SIGLEC15: variants seen among roughly 807,000 people sequenced by gnomAD.
SIGLEC15 encodes the protein sialic acid binding Ig like lectin 15.
SIGLEC15 carries 31 observed loss-of-function variants against 26.2 expected under a neutral mutation model. The observed-to-expected ratio is 1.18, with a 90% CI of 0.89 to 1.60. SIGLEC15 has a LOEUF of 1.60. Ranked by LOEUF, SIGLEC15 falls within the 40% of genes most tolerant of loss-of-function variation. The probability of loss-of-function intolerance (pLI) is 0.00; values close to 1 mark genes in which losing one functional copy is unlikely to be tolerated. For synonymous variants in SIGLEC15, 207 were observed against 221.9 expected (o/e 0.93, Z 0.60); for missense variants, 501 against 488.4 (o/e 1.03, Z -0.24).
intron 1 of SIGLEC15, among the ~76,000 whole-genome samples, chr18:45,828,338 C>G (rs1032702657): frequency 6.6e-6 from 1 of 152,194 alleles, no homozygotes; most frequent in African/African-American, 2.4e-5. Context: ...ATACTCGACA[C>G]CCAGTGCCCA....
intron 1 of SIGLEC15, among the ~76,000 whole-genome samples, chr18:45,827,345 C>T (rs1183641226): frequency 6.6e-6 from 1 of 152,162 alleles, no homozygotes; most frequent in East Asian, 2.0e-4. Context: ...TTGGCTGGGC[C>T]CCCCCACTAC....
rs1328184322 is a variant in SIGLEC15 at position 45,837,791 on chromosome 18, C to G, written c.391C>G (p.Arg131Gly). ...CAACGACCTCTCGCTGCGCGTCGAG[C>G]GCCTCGCCCTGGCTGACGACCGCCG... The part of the protein sequence containing the change: ...RRNDLSLRVE[R>G]LALADDRRYF... Residue 131 changes from arginine to glycine, a missense_variant, in exon 3 of 6, where the codon CGC becomes GGC. Arg to Gly is a moderately radical substitution (Grantham distance 125). Transcript: ENST00000389474. 2 of 1,523,156 alleles carry G rather than the reference C, an allele frequency of 1.3e-6. No homozygotes were observed. Among genetic ancestry groups the G allele is most frequent in the Non-Finnish European group, 8.7e-7 (1 of 1,144,024 alleles). The allele number at this position is 1,523,156 out of a possible 1,614,324, so 94.4% of individuals were successfully genotyped here.
At position 45,840,217 on chromosome 18, in the gene SIGLEC15, T is replaced by TGGACACCCC. The variant is rs750729197; in HGVS notation, c.891_899dup (p.Asp298_Pro300dup). 6.2e-7 allele frequency: 1 copy of TGGACACCCC among 1,613,128 alleles called. No homozygotes were observed. Among genetic ancestry groups the TGGACACCCC allele is most frequent in the Non-Finnish European group, 8.5e-7 (1 of 1,179,614 alleles). ...CTTGCTGTCCCTCCCACAGAGCATC[T>TGGACACCCC]GGACACCCCGGACACCCCACCACGG... On this transcript the variant is annotated inframe_insertion, in exon 5 of 6. Coordinates refer to ENST00000389474, the MANE Select transcript of SIGLEC15 (RefSeq NM_213602.3).
intron 1 of SIGLEC15, among the ~76,000 whole-genome samples, chr18:45,828,247 G>A (rs1014043627): frequency 1.3e-5 from 2 of 152,132 alleles, no homozygotes; most frequent in Non-Finnish European, 2.9e-5. Context: ...ACAGCCCCTT[G>A]GTGAGAGAAA....
intron 5 of SIGLEC15, 56 bp downstream of exon 5, chr18:45,840,297 C>T: frequency 1.3e-6 from 2 of 1,557,354 alleles, no homozygotes; most frequent in Non-Finnish European, 1.7e-6. Flanking sequence ...GTCCTCATCA[C>T]CCAGGGGGTC....
chr18:45,837,785 G>T lies in SIGLEC15; in HGVS notation c.385G>T (p.Val129Phe). Residue 129 changes from valine (V) to phenylalanine (F), a missense_variant, in exon 3 of 6, where the codon GTC becomes TTC. Val to Phe is a conservative substitution (Grantham distance 50, BLOSUM62 -1). Coordinates refer to ENST00000389474, the MANE Select transcript of SIGLEC15 (RefSeq NM_213602.3). ...NPRRNDLSLR[V>F]ERLALADDRR... is the part of the protein sequence containing the mutation. ...GCGCCGCAACGACCTCTCGCTGCGC[G>T]TCGAGCGCCTCGCCCTGGCTGACGA... 1.3e-6 allele frequency: 2 copies of T among 1,524,080 alleles called. No homozygotes were observed. Among genetic ancestry groups the T allele is most frequent in the Non-Finnish European group, 1.7e-6 (2 of 1,144,300 alleles). 94.4% of individuals were successfully genotyped at this position (1,524,080 alleles called of 1,614,324 possible).
chr18:45,827,969 G>A (rs1568076917), intron 1 of SIGLEC15, among the ~76,000 whole-genome samples: 1 of 152,224 alleles, frequency 6.6e-6, no homozygotes, highest in South Asian at 2.1e-4. Context: ...AGCCGACTCA[G>A]CTGCAGAAAG....
At chr18:45,840,073 C>T in intron 4 of SIGLEC15, 138 bp from the exon 5 acceptor site, 2 of 877,484 alleles carry the variant, frequency 2.3e-6, no homozygotes, top group Non-Finnish European at 3.5e-6. Context: ...CACAGCTTCA[C>T]ACCCTGCTAG....
At chr18:45,827,634 C>A (rs1309489624) in intron 1 of SIGLEC15, among the ~76,000 whole-genome samples, 1 of 152,142 alleles carries the variant, frequency 6.6e-6, no homozygotes, top group Non-Finnish European at 1.5e-5. Flanking sequence ...GGGGTCCCTG[C>A]CACCTTGAAG....
intron 1 of SIGLEC15, among the ~76,000 whole-genome samples, chr18:45,836,302 T>C (rs568383870): frequency 6.6e-6 from 1 of 152,274 alleles, no homozygotes; most frequent in East Asian, 1.9e-4. Flanking sequence ...GAGGGTCACA[T>C]GACATGGTAT....
chr18:45,827,460 G>A (rs796919161), intron 1 of SIGLEC15, among the ~76,000 whole-genome samples: 2 of 152,342 alleles, frequency 1.3e-5, no homozygotes, highest in African/African-American at 4.8e-5. Flanking sequence ...ATTTAGGGTT[G>A]GGTCCCACTG....
chr18:45,827,306 T>C (rs1385422071), intron 1 of SIGLEC15, among the ~76,000 whole-genome samples: 1 of 152,172 alleles, frequency 6.6e-6, no homozygotes, highest in Non-Finnish European at 1.5e-5. Context: ...GGGGTGGAGC[T>C]GGGATTTGAA....
chr18:45,828,672 G>C (rs191027963), intron 1 of SIGLEC15, among the ~76,000 whole-genome samples: 1 of 152,154 alleles, frequency 6.6e-6, no homozygotes, highest in Non-Finnish European at 1.5e-5. Flanking sequence ...GGTGACTGCC[G>C]GGGCATCCAG....
At position 45,837,804 on chromosome 18, in the gene SIGLEC15, C is replaced by A; in HGVS notation, c.404C>A (p.Ala135Asp). The part of the protein sequence containing the change: ...LSLRVERLAL[A>D]DDRRYFCRVE... ...CTGCGCGTCGAGCGCCTCGCCCTGG[C>A]TGACGACCGCCGCTACTTCTGCCGC... is the stretch of plus-strand genomic sequence containing the variant. Residue 135 changes from alanine (A) to aspartate (D), a missense_variant, in exon 3 of 6, where the codon GCT (alanine) becomes GAT (aspartate). By Grantham distance (126) the Ala-to-Asp change is moderately radical (BLOSUM62 -2). Transcript: ENST00000389474. 2 of 1,526,628 alleles carry A rather than the reference C, an allele frequency of 1.3e-6. No homozygotes were observed. Among genetic ancestry groups the A allele is most frequent in the East Asian group, 2.6e-5 (1 of 38,084 alleles). 94.6% of individuals were successfully genotyped at this position (1,526,628 alleles called of 1,614,324 possible).
rs182277401 is a variant in SIGLEC15 at position 45,841,995 on chromosome 18, G to A, written c.906-111G>A. The A allele has an allele frequency of 6.6e-4, 664 of 998,568 alleles. 6 individuals carry two copies. In the African/African-American group the frequency reaches 9.6e-3, roughly 14 times the overall value. The allele number at this position is 998,568 out of a possible 1,614,324, so 61.9% of individuals were successfully genotyped here. A position where few individuals can be genotyped will look rare whatever the true frequency, so the allele number is the denominator to read the frequency against. On this transcript the variant is annotated intron_variant, in intron 5 of 5. Transcript: ENST00000389474. ...TCTCTGAGCCCTGCCGGTTCCAGCCGCACTGCTCCCCAGAATGTCTCCTCT... is the reference window on the plus strand; with the variant it reads ...TCTCTGAGCCCTGCCGGTTCCAGCCACACTGCTCCCCAGAATGTCTCCTCT...
chr18:45,827,344 C>T (rs200949991), intron 1 of SIGLEC15, among the ~76,000 whole-genome samples: 1 of 151,954 alleles, frequency 6.6e-6, no homozygotes, highest in Non-Finnish European at 1.5e-5. Context: ...TTTGGCTGGG[C>T]CCCCCCACTA....
chr18:45,831,640 A>G (rs1163929169), intron 1 of SIGLEC15, among the ~76,000 whole-genome samples: 1 of 152,250 alleles, frequency 6.6e-6, no homozygotes, highest in Non-Finnish European at 1.5e-5. Flanking sequence ...GAATAAATGA[A>G]GAAATTCCAG....
chr18:45,841,882 C>T (rs1020135880), intron 5 of SIGLEC15, among the ~76,000 whole-genome samples: 3 of 152,118 alleles, frequency 2.0e-5, no homozygotes, highest in African/African-American at 7.2e-5. Context: ...AGGCCTCAGA[C>T]AGAGATAGCA....
In SIGLEC15 at chr18:45,838,809, C is replaced by T. The variant is rs757279056; in HGVS notation, c.588C>T (p.Ala196=). The change falls in exon 4 of 6, where the codon GCC becomes GCT. Residue 196 remains alanine (A), a synonymous_variant. Transcript: ENST00000389474. ...CTGCCGAAGGGGAGCCGCCGCCCGCCCTCGCCTGGTCCGGCCCGGCCCTGG... is the reference window on the plus strand; with the variant it reads ...CTGCCGAAGGGGAGCCGCCGCCCGCTCTCGCCTGGTCCGGCCCGGCCCTGG... ...LCTAEGEPPP[A]LAWSGPALGN... 6.4e-7 allele frequency: 1 copy of T among 1,559,584 alleles called. No homozygotes were observed. Among genetic ancestry groups the T allele is most frequent in the Non-Finnish European group, 8.6e-7 (1 of 1,159,442 alleles).
Sources: allele counts gnomAD v4.1 joint callset (sites outside exome capture counted in the v4.1 genomes callset), GRCh38; gene constraint gnomAD v4.1.1; transcripts MANE v1.5; gene names NCBI Gene and HGNC (gene_info 2026-07-23, HGNC 2026-07-21).